PIH1D2: variants seen among roughly 807,000 people sequenced by gnomAD.
The protein encoded by PIH1D2 is PIH1 domain-containing protein 2.
A neutral mutation model predicts 31.2 loss-of-function variants in PIH1D2; 25 were observed. The observed-to-expected ratio is 0.80, with a 90% confidence interval of 0.58 to 1.12. The LOEUF is 1.12. PIH1D2 is among the 50% of genes most tolerant of loss of function. PIH1D2 has a pLI of 0.00. For synonymous variants in PIH1D2, 116 were observed against 119.9 expected (o/e 0.97, Z 0.21); for missense variants, 310 against 356.6 (o/e 0.87, Z 1.05).
At chr11:112,056,155 G>A in the PIH1D2 span, among the ~76,000 whole-genome samples, 25 of 151,924 alleles carry the variant, frequency 1.6e-4, no homozygotes. Flanking sequence ...ATGAGCCACC[G>A]TGCCTGGCCG....
At chr11:112,052,894 G>A in the PIH1D2 span, among the ~76,000 whole-genome samples, 1 of 152,002 alleles carries the variant, frequency 6.6e-6, no homozygotes, top group Non-Finnish European at 1.5e-5. Context: ...CCGTCATGGA[G>A]CTTATTATAT....
downstream of PIH1D2, among the ~76,000 whole-genome samples, chr11:112,060,403 G>A (rs1169950419): frequency 2.0e-5 from 3 of 150,474 alleles, no homozygotes; most frequent in Non-Finnish European, 3.0e-5. Context: ...CTTGTGATCC[G>A]CCTGCCTCAG....
rs587602845 is a variant in PIH1D2 at position 112,068,994 on chromosome 11, T to G, written c.814-989A>C. Among the ~76,000 whole-genome samples the G allele has an allele frequency of 1.2e-3, 174 of 146,586 alleles. 2 individuals carry two copies. In the South Asian group the frequency reaches 0.013, roughly 11 times the overall value. Reference sequence around the variant, plus strand: ...CTGAATTTTTTTTGTTTTTTTTTTTTTTTGTTTTTTTTTTTTTGAGGGGAG... The same window carrying G: ...CTGAATTTTTTTTGTTTTTTTTTTTGTTTGTTTTTTTTTTTTTGAGGGGAG... On this transcript the variant is annotated intron_variant, in intron 5 of 5. Transcript: ENST00000280350.
At chr11:112,059,876 A>G (rs375025704), downstream of PIH1D2, 26 of 1,537,188 alleles carry the variant, frequency 1.7e-5, no homozygotes, top group African/African-American at 1.8e-4. Context: ...ACAGTTTTTT[A>G]TTATATTTAT....
chr11:112,052,990 G>A, the PIH1D2 span, among the ~76,000 whole-genome samples: 1,578 of 152,138 alleles, frequency 0.01, 24 homozygotes, highest in African/African-American at 0.035. Flanking sequence ...CTGGCAACAT[G>A]GGGACAAAGA....
the PIH1D2 span, among the ~76,000 whole-genome samples, chr11:112,053,475 C>CA: frequency 6.6e-6 from 1 of 151,888 alleles, no homozygotes; most frequent in Non-Finnish European, 1.5e-5. Context: ...GTTTTTGTGA[C>CA]AGAGTCTCTT....
downstream of PIH1D2, chr11:112,067,745 C>A: frequency 1.1e-6 from 1 of 885,328 alleles, no homozygotes; most frequent in African/African-American, 2.1e-5. Context: ...AAATCTCAGT[C>A]AAAATGAACT....
At chr11:112,064,784 A>T (rs191612322), downstream of PIH1D2, among the ~76,000 whole-genome samples, 45 of 152,220 alleles carry the variant, frequency 3.0e-4, no homozygotes, top group African/African-American at 1.1e-3. Context: ...TGGGGAAATC[A>T]TCATCACTAC....
downstream of PIH1D2, chr11:112,059,925 G>A (rs1864451343): frequency 6.2e-7 from 1 of 1,611,258 alleles, no homozygotes; most frequent in Non-Finnish European, 8.5e-7. Flanking sequence ...TGATGTCAGT[G>A]TTGCGGTCAG....
intron 1 of PIH1D2, among the ~76,000 whole-genome samples, chr11:112,073,465 G>A (rs1865214496): frequency 6.6e-6 from 1 of 152,124 alleles, no homozygotes; most frequent in East Asian, 1.9e-4. Flanking sequence ...ATCATTTTAA[G>A]TCTGGGTTTC....
At chr11:112,064,111 G>T, downstream of PIH1D2, 2 of 1,372,648 alleles carry the variant, frequency 1.5e-6, no homozygotes, top group Non-Finnish European at 2.0e-6. Flanking sequence ...TTATCCAAAA[G>T]AAACAAGCTT....
At chr11:112,059,176 T>A (rs1555182910), downstream of PIH1D2, among the ~76,000 whole-genome samples, 1 of 152,250 alleles carries the variant, frequency 6.6e-6, no homozygotes, top group East Asian at 1.9e-4. Context: ...TCCTTTCATC[T>A]GCTCAAACTA....
the PIH1D2 span, among the ~76,000 whole-genome samples, chr11:112,053,087 C>T: frequency 2.0e-5 from 3 of 151,954 alleles, no homozygotes; most frequent in African/African-American, 4.8e-5. Context: ...TTTGAGAGGC[C>T]GAGGCAGGTG....
rs782036048 is a variant in PIH1D2, at chr11:112,071,239, GA to G, written c.345del (p.His116MetfsTer8). 10 of 1,613,486 alleles carry G rather than the reference GA, an allele frequency of 6.2e-6. No homozygotes were observed. The highest frequency in any genetic ancestry group is 8.5e-6 in the Non-Finnish European group (10 of 1,179,712). On this transcript the variant is annotated frameshift_variant, in exon 4 of 6. Coordinates refer to ENST00000280350, the MANE Select transcript of PIH1D2 (RefSeq NM_138789.4). LOFTEE classifies it high-confidence loss of function. Reference sequence around the variant, plus strand: ...TTCACTTGGTCCTTTTCTGCTGCATGAAGAACATCAGGATTGTAGGCAACAT... The same window carrying G: ...TTCACTTGGTCCTTTTCTGCTGCATGAGAACATCAGGATTGTAGGCAACAT... The part of the protein sequence containing the change: ...VIDVAYNPDV[L>X]HAAEKDQVKK...
downstream of PIH1D2, among the ~76,000 whole-genome samples, chr11:112,065,008 T>C (rs1458017238): frequency 6.6e-6 from 1 of 151,632 alleles, no homozygotes; most frequent in Non-Finnish European, 1.5e-5. Context: ...GCCCAGCTAA[T>C]TTTTTGTATT....
In PIH1D2 at chr11:112,070,608, G is replaced by A. The variant is rs144070277; in HGVS notation, c.641C>T (p.Ala214Val). Residue 214 changes from alanine (A) to valine (V), a missense_variant, in exon 5 of 6, where the codon GCA becomes GTA. By Grantham distance (64) the Ala-to-Val change is moderately conservative. Transcript: ENST00000280350. ...LLPKDQVSGK[A>V]VCLIEEISST... ...GGAAATCTCTTCTATCAGACACACT[G>A]CTTTGCCTGAAACTTGGTCTTTTGG... 2.4e-4 allele frequency: 385 copies of A among 1,613,994 alleles called. No individual in the cohort carries two copies. The highest frequency in any genetic ancestry group is 3.1e-4 in the Non-Finnish European group (360 of 1,180,040).
At chr11:112,067,780 A>C, downstream of PIH1D2, 6 of 1,456,698 alleles carry the variant, frequency 4.1e-6, no homozygotes. Context: ...ATTGGTGTTT[A>C]AGATAAACTA....
chr11:112,073,952 T>TAATC (rs1865239778), intron 1 of PIH1D2, 28 bp downstream of exon 1: 1 of 158,306 alleles, frequency 6.3e-6, no homozygotes, highest in Admixed American at 6.5e-5. Context: ...TTCTAACGGG[T>TAATC]AATCATTCTA....
At chr11:112,061,939 T>TTA (rs1484740797), downstream of PIH1D2, among the ~76,000 whole-genome samples, 5 of 152,000 alleles carry the variant, frequency 3.3e-5, no homozygotes, top group South Asian at 2.1e-4. Flanking sequence ...TCAAATAAAA[T>TTA]TATATATATA....
Sources: allele counts gnomAD v4.1 joint callset (sites outside exome capture counted in the v4.1 genomes callset), GRCh38; gene constraint gnomAD v4.1.1; transcripts MANE v1.5; gene names NCBI Gene and HGNC (gene_info 2026-07-23, HGNC 2026-07-21).